The following PRKCB variants were observed in gnomAD, a reference collection of about 807,000 sequenced individuals.
PRKCB encodes the protein protein kinase C beta type.
In PRKCB, 13 loss-of-function variants were observed where a neutral mutation model predicts 81.5. The observed-to-expected ratio is 0.16, with a 90% CI of 0.10 to 0.25. The LOEUF (loss-of-function observed/expected upper bound fraction) is 0.25. PRKCB is among the 10% of genes least tolerant of loss of function. The pLI is 1.00. For synonymous variants in PRKCB, 335 were observed against 321.4 expected (o/e 1.04, Z -0.45); for missense variants, 509 against 875.7 (o/e 0.58, Z 5.29).
intron 3 of PRKCB, among the ~76,000 whole-genome samples, chr16:24,000,007 A>T (rs970973942): frequency 6.6e-6 from 1 of 152,138 alleles, no homozygotes; most frequent in Non-Finnish European, 1.5e-5. Context: ...ACTTGTTCAT[A>T]TGGTGGTTTC....
chr16:24,180,994 G>A (rs1421771329), intron 13 of PRKCB, 66 bp downstream of exon 13: 1 of 1,583,248 alleles, frequency 6.3e-7, no homozygotes, highest in Non-Finnish European at 8.6e-7. Context: ...ATGGCTGTGT[G>A]AGAGCTGGGA....
chr16:23,841,042 A>C (rs1962254595), intron 2 of PRKCB, among the ~76,000 whole-genome samples: 2 of 152,146 alleles, frequency 1.3e-5, no homozygotes. Context: ...CAAGCAAGGC[A>C]GATTTCTCTC....
chr16:23,922,056 A>G (rs1351576488), intron 2 of PRKCB, among the ~76,000 whole-genome samples: 1 of 152,224 alleles, frequency 6.6e-6, no homozygotes, highest in Non-Finnish European at 1.5e-5. Context: ...GTTTGGTGTT[A>G]TGGTGCATAG....
intron 10 of PRKCB, among the ~76,000 whole-genome samples, chr16:24,167,573 C>CA (rs1365334545): frequency 1.1e-4 from 17 of 151,212 alleles, no homozygotes; most frequent in East Asian, 5.8e-4. Context: ...AAAAAAAAAA[C>CA]AAAAAAATTG....
At chr16:24,146,193 C>G (rs558782893) in intron 9 of PRKCB, among the ~76,000 whole-genome samples, 2 of 152,260 alleles carry the variant, frequency 1.3e-5, no homozygotes, top group African/African-American at 4.8e-5. Context: ...TCAGAAGGAA[C>G]CAACCCTGCC....
rs1477346629 is a variant in PRKCB, at chr16:24,049,051, T to TTTTTTG, written c.529+13509_529+13510insGTTTTT. ...AACATTTCTTCAAATTGGCCTGTTTTTTTTTTTTTTTTTTTTTTTTTTTTT... is the reference window on the plus strand; with the variant it reads ...AACATTTCTTCAAATTGGCCTGTTTTTTTTTGTTTTTTTTTTTTTTTTTTTTTTTTT... On this transcript the variant is annotated intron_variant, in intron 5 of 16. Transcript: ENST00000643927. 9.3e-4 allele frequency among the ~76,000 whole-genome samples: 119 copies of TTTTTTG among 128,642 alleles called. 3 individuals carry two copies. Among genetic ancestry groups the TTTTTTG allele is most frequent in the African/African-American group, 3.6e-3 (112 of 31,196 alleles). The allele number at this position is 128,642 out of a possible 152,430, so 84.4% of individuals were successfully genotyped here.
chr16:23,911,919 C>A (rs1963663170), intron 2 of PRKCB, among the ~76,000 whole-genome samples: 1 of 148,846 alleles, frequency 6.7e-6, no homozygotes, highest in Non-Finnish European at 1.5e-5. Context: ...GCAACCTCCG[C>A]CTTCTGGGTT....
chr16:23,925,589 G>A (rs56213545), intron 2 of PRKCB, among the ~76,000 whole-genome samples: 23,611 of 152,008 alleles, frequency 0.16, 2,454 homozygotes, highest in East Asian at 0.36. Context: ...AGGTCATCCT[G>A]TCTCTCTTCC....
chr16:23,926,494 T>TAATA (rs941220320), intron 2 of PRKCB, among the ~76,000 whole-genome samples: 1 of 151,152 alleles, frequency 6.6e-6, no homozygotes, highest in Non-Finnish European at 1.5e-5. Flanking sequence ...AAAAAATAAA[T>TAATA]AATAAATAAA....
At chr16:23,905,694 G>A (rs572171322) in intron 2 of PRKCB, among the ~76,000 whole-genome samples, 1 of 152,268 alleles carries the variant, frequency 6.6e-6, no homozygotes, top group Admixed American at 6.5e-5. Context: ...TATCTTGGCA[G>A]ACTTACTCCT....
chr16:24,185,212 C>T (rs1224444577), intron 14 of PRKCB, 21 bp downstream of exon 14: 28 of 1,602,334 alleles, frequency 1.7e-5, no homozygotes, highest in Admixed American at 8.4e-5. Context: ...TTTAAGTGAT[C>T]GATAAGAGAA....
intron 7 of PRKCB, chr16:24,098,328 A>G (rs1262259499): frequency 6.6e-6 from 1 of 152,256 alleles, no homozygotes; most frequent in Admixed American, 6.5e-5. Context: ...AAGGTTTGAT[A>G]AACTGATGTT....
At chr16:24,049,047 G>GTTTTTTTTTGT (rs1965802092) in intron 5 of PRKCB, among the ~76,000 whole-genome samples, 1 of 49,656 alleles carries the variant, frequency 2.0e-5, no homozygotes, top group African/African-American at 8.1e-5. Context: ...AAATTGGCCT[G>GTTTTTTTTTGT]TTTTTTTTTT....
At chr16:24,092,285 T>G (rs1296218334) in intron 5 of PRKCB, among the ~76,000 whole-genome samples, 6 of 152,236 alleles carry the variant, frequency 3.9e-5, no homozygotes, top group Admixed American at 3.3e-4. Flanking sequence ...ATATGTGACC[T>G]TTTGTGTTGG....
intron 2 of PRKCB, among the ~76,000 whole-genome samples, chr16:23,982,300 C>CT (rs1964747513): frequency 8.6e-6 from 1 of 116,624 alleles, no homozygotes; most frequent in East Asian, 2.8e-4. Context: ...TTCCCCTTCC[C>CT]TTCCCTTTCC....
intron 9 of PRKCB, among the ~76,000 whole-genome samples, chr16:24,132,645 A>G (rs1966854972): frequency 6.6e-6 from 1 of 152,210 alleles, no homozygotes; most frequent in African/African-American, 2.4e-5. Context: ...TGATGCAGCT[A>G]CTGTTGTCCC....
chr16:24,119,076 T>C (rs1486460054), intron 8 of PRKCB, among the ~76,000 whole-genome samples: 1 of 151,970 alleles, frequency 6.6e-6, no homozygotes, highest in Non-Finnish European at 1.5e-5. Flanking sequence ...TAATTAAATA[T>C]TAAAATGACA....
rs869265824 is a variant in PRKCB at position 24,219,655 on chromosome 16, AACACACAC to A, written c.*4880_*4887del. ...ATCCTAAAGCCAAAGAAAATACAGC[AACACACAC>A]ACACACACACACACACACACACACA... is the stretch of plus-strand genomic sequence containing the variant. On this transcript the variant is annotated 3_prime_UTR_variant, in exon 17 of 17. Transcript: ENST00000643927. 6.0e-3 allele frequency: 4,478 copies of A among 740,398 alleles called. 6 individuals carry two copies. The highest frequency in any genetic ancestry group is 0.022 in the African/African-American group (733 of 32,818). The allele number at this position is 740,398 out of a possible 1,614,324, so 45.9% of individuals were successfully genotyped here. A position where few individuals can be genotyped will look rare whatever the true frequency, so the allele number is the denominator to read the frequency against.
intron 2 of PRKCB, among the ~76,000 whole-genome samples, chr16:23,974,810 G>A (rs960591840): frequency 6.6e-6 from 1 of 152,208 alleles, no homozygotes; most frequent in African/African-American, 2.4e-5. Flanking sequence ...ACAGGGCCCA[G>A]GGTGGCTCTG....
Sources: allele counts gnomAD v4.1 joint callset (sites outside exome capture counted in the v4.1 genomes callset), GRCh38; gene constraint gnomAD v4.1.1; transcripts MANE v1.5; gene names NCBI Gene and HGNC (gene_info 2026-07-23, HGNC 2026-07-21).